The following PRKG1 variants were observed in gnomAD, a reference collection of about 807,000 sequenced individuals.
PRKG1 encodes the protein protein kinase cGMP-dependent 1, also known as cGMP-dependent protein kinase 1.
Under a neutral mutation model 88.1 loss-of-function variants are expected in PRKG1, and 35 were observed. The observed-to-expected ratio is 0.40, with a 90% CI of 0.30 to 0.53. The LOEUF (loss-of-function observed/expected upper bound fraction) is 0.53, where lower values mean the gene tolerates loss of function less well. Among genes scored for constraint, PRKG1 ranks in the 20% least tolerant of loss-of-function variants. PRKG1 has a pLI of 0.59. For synonymous variants in PRKG1, 303 were observed against 292.5 expected (o/e 1.04, Z -0.37); for missense variants, 540 against 839.8 (o/e 0.64, Z 4.41).
chr10:52,050,585 G>C (rs758331351), intron 5 of PRKG1, among the ~76,000 whole-genome samples: 1 of 152,000 alleles, frequency 6.6e-6, no homozygotes, highest in African/African-American at 2.4e-5. Flanking sequence ...CTGGTGTTAC[G>C]ACACCATAAA....
intron 3 of PRKG1, among the ~76,000 whole-genome samples, chr10:51,719,045 C>G (rs1414985100): frequency 6.6e-6 from 1 of 152,030 alleles, no homozygotes; most frequent in East Asian, 1.9e-4. Context: ...ACTCAAGAGG[C>G]CCCTGAGAAG....
At chr10:51,243,901 A>G (rs1284720017) in intron 2 of PRKG1, among the ~76,000 whole-genome samples, 1 of 152,032 alleles carries the variant, frequency 6.6e-6, no homozygotes, top group African/African-American at 2.4e-5. Context: ...ATTTCTAAAG[A>G]CTCTTCTTAC....
At chr10:51,788,170 C>A (rs755511406) in intron 3 of PRKG1, among the ~76,000 whole-genome samples, 1 of 152,100 alleles carries the variant, frequency 6.6e-6, no homozygotes, top group African/African-American at 2.4e-5. Flanking sequence ...TACCAGTGAT[C>A]CTTTTGTAAA....
intron 1 of PRKG1, among the ~76,000 whole-genome samples, chr10:51,150,493 G>A (rs1343539618): frequency 6.6e-6 from 1 of 152,142 alleles, no homozygotes; most frequent in African/African-American, 2.4e-5. Context: ...TCTCTGACAA[G>A]ACCATCTTTG....
intron 4 of PRKG1, among the ~76,000 whole-genome samples, chr10:51,808,450 A>G (rs1438372615): frequency 2.0e-5 from 3 of 152,186 alleles, no homozygotes; most frequent in East Asian, 3.9e-4. Context: ...AGAAAAATAG[A>G]AAAATTACCA....
At chr10:52,231,032 G>A (rs1840508548) in intron 9 of PRKG1, 1 of 152,186 alleles carries the variant, frequency 6.6e-6, no homozygotes, top group Admixed American at 6.5e-5. Flanking sequence ...TCAATAATTT[G>A]AATTATGTGC....
chr10:51,227,385 G>A (rs1838721101), intron 2 of PRKG1, among the ~76,000 whole-genome samples: 1 of 152,130 alleles, frequency 6.6e-6, no homozygotes, highest in Non-Finnish European at 1.5e-5. Flanking sequence ...TATGCCCTGT[G>A]TTATAATAGC....
In PRKG1 at chr10:52,280,950, G is replaced by A. The variant is rs1446229134; in HGVS notation, c.1545+20G>A. The stretch of plus-strand genomic sequence containing the variant: ...AAACTGGTCAGTGCATTTCATACGT[G>A]CTTTCTGCCCTGCAGATTAAAAATA... On this transcript the variant is annotated intron_variant, in intron 13 of 17. Coordinates refer to ENST00000373980, the MANE Select transcript of PRKG1 (RefSeq NM_006258.4). The A allele has an allele frequency of 6.2e-7, 1 of 1,605,760 alleles. No individual in the cohort carries two copies. The highest frequency in any genetic ancestry group is 8.5e-7 in the Non-Finnish European group (1 of 1,174,902).
upstream of PRKG1, among the ~76,000 whole-genome samples, chr10:51,071,918 G>C (rs1843831594): frequency 6.6e-6 from 1 of 152,132 alleles, no homozygotes; most frequent in Non-Finnish European, 1.5e-5. Flanking sequence ...GAACGAGATG[G>C]CTGGGCACAG....
intron 9 of PRKG1, among the ~76,000 whole-genome samples, chr10:52,201,926 G>T (rs1244988262): frequency 6.6e-6 from 1 of 152,086 alleles, no homozygotes; most frequent in African/African-American, 2.4e-5. Context: ...CTTTGCTGAA[G>T]TTGTTTTTCA....
Position 50,991,588 on chromosome 10 carries a change from G to T in PRKG1, c.210G>T (p.Thr70=), listed in dbSNP as rs374413281. The T allele has an allele frequency of 6.3e-7, 1 of 1,594,904 alleles. No individual in the cohort carries two copies. Among genetic ancestry groups the T allele is most frequent in the African/African-American group, 1.3e-5 (1 of 74,190 alleles). The change falls in exon 1 of 18, where the codon ACG becomes ACT. Residue 70 remains threonine (T), a synonymous_variant. Coordinates refer to the PRKG1 transcript ENST00000401604. This position sits in a 1 kb window ranked among gnomAD's most constrained non-coding sequence, Gnocchi z 4.5. ...AGGGCATCTCGGCCGAGCCGCAGAC[G>T]TACAGGTCCTTCCACGACCTCCGAC...
intron 3 of PRKG1, among the ~76,000 whole-genome samples, chr10:51,800,520 CAT>C (rs1241361637): frequency 3.3e-5 from 5 of 152,016 alleles, no homozygotes; most frequent in Non-Finnish European, 5.9e-5. Context: ...TTGAATATCT[CAT>C]GTGATATATT....
intron 3 of PRKG1, among the ~76,000 whole-genome samples, chr10:51,801,528 C>A (rs1345453504): frequency 1.3e-5 from 2 of 152,052 alleles, no homozygotes; most frequent in African/African-American, 4.8e-5. Context: ...GATCTAGCAC[C>A]AGTGTTTGCC....
chr10:51,482,589 G>C (rs961092551), intron 3 of PRKG1, among the ~76,000 whole-genome samples: 2 of 152,098 alleles, frequency 1.3e-5, no homozygotes, highest in Non-Finnish European at 2.9e-5. Context: ...CATGGATACT[G>C]ACTTAATCCT....
intron 7 of PRKG1, among the ~76,000 whole-genome samples, chr10:52,090,099 C>T (rs1847018274): frequency 6.6e-6 from 1 of 152,056 alleles, no homozygotes; most frequent in South Asian, 2.1e-4. Context: ...AGGCGTGAGC[C>T]ACCACACCCG....
chr10:52,234,213 A>G (rs1259983308), intron 9 of PRKG1, among the ~76,000 whole-genome samples: 1 of 152,240 alleles, frequency 6.6e-6, no homozygotes, highest in South Asian at 2.1e-4. Context: ...AAAGATGGGG[A>G]AAAAAACAGA....
intron 3 of PRKG1, among the ~76,000 whole-genome samples, chr10:51,616,704 A>C (rs756396310): frequency 6.6e-6 from 1 of 152,120 alleles, no homozygotes; most frequent in Non-Finnish European, 1.5e-5. Context: ...TATGCTAGGC[A>C]GGGGTGAGGT....
chr10:51,857,441 T>G (rs1840711730), intron 4 of PRKG1, among the ~76,000 whole-genome samples: 1 of 152,088 alleles, frequency 6.6e-6, no homozygotes, highest in Non-Finnish European at 1.5e-5. Flanking sequence ...CTTCAGAATC[T>G]CCCCCTCTCA....
intron 3 of PRKG1, among the ~76,000 whole-genome samples, chr10:51,579,682 C>T (rs74697195): frequency 0.069 from 10,504 of 152,096 alleles, 1,191 homozygotes; most frequent in African/African-American, 0.24. Context: ...TATGAGGAGA[C>T]TGGCTATTGT....
Sources: allele counts gnomAD v4.1 joint callset (sites outside exome capture counted in the v4.1 genomes callset), GRCh38; gene constraint gnomAD v4.1.1; non-coding constraint Gnocchi (gnomAD v3.1); transcripts MANE v1.5; gene names NCBI Gene and HGNC (gene_info 2026-07-23, HGNC 2026-07-21).